WWP2: variants seen among roughly 807,000 people sequenced by gnomAD.
The protein encoded by WWP2 is WW domain containing E3 ubiquitin protein ligase 2, also known as NEDD4-like E3 ubiquitin-protein ligase WWP2.
In WWP2, 57 loss-of-function variants were observed where a neutral mutation model predicts 121.0. That is an observed-to-expected ratio of 0.47 (90% CI 0.38 to 0.59). The LOEUF (loss-of-function observed/expected upper bound fraction) is 0.59, where lower values mean the gene tolerates loss of function less well. Among genes scored for constraint, WWP2 ranks in the 20% least tolerant of loss-of-function variants. The pLI is 0.00. For synonymous variants in WWP2, 449 were observed against 441.3 expected, an observed-to-expected ratio of 1.02 and a Z score of -0.22; for missense variants, 962 against 1,158.9, an observed-to-expected ratio of 0.83 and a Z score of 2.47.
At chr16:69,902,566 A>G (rs143069370) in intron 8 of WWP2, among the ~76,000 whole-genome samples, 157 of 152,306 alleles carry the variant, frequency 1.0e-3, no homozygotes, top group African/African-American at 3.5e-3. Context: ...GAGAGCATCA[A>G]CGGAAGCTAT....
At chr16:69,901,882 T>C (rs1320259717) in intron 8 of WWP2, among the ~76,000 whole-genome samples, 5 of 152,126 alleles carry the variant, frequency 3.3e-5, no homozygotes, top group African/African-American at 4.8e-5. Context: ...ACTCGGGAGA[T>C]GGAGGTTACA....
At chr16:69,844,194 T>G (rs543562136) in intron 6 of WWP2, among the ~76,000 whole-genome samples, 45 of 152,288 alleles carry the variant, frequency 3.0e-4, no homozygotes, top group South Asian at 6.2e-4. Context: ...TCTCGGTAGG[T>G]GACTTACAAT....
At chr16:69,867,410 T>C (rs2057546932) in intron 6 of WWP2, among the ~76,000 whole-genome samples, 1 of 152,194 alleles carries the variant, frequency 6.6e-6, no homozygotes. Context: ...ATCTCTAGAA[T>C]GGGGCCTAAC....
At chr16:69,806,723 A>G (rs1478474240) in intron 4 of WWP2, among the ~76,000 whole-genome samples, 2 of 152,144 alleles carry the variant, frequency 1.3e-5, no homozygotes, top group Non-Finnish European at 2.9e-5. Flanking sequence ...CTCAGTTTAA[A>G]AACGTCTGTA....
intron 8 of WWP2, among the ~76,000 whole-genome samples, chr16:69,896,189 A>T (rs1002212766): frequency 6.6e-6 from 1 of 152,118 alleles, no homozygotes. Flanking sequence ...TGGCGTGATC[A>T]TAGCTCACTG....
In WWP2 at chr16:69,925,239, T is replaced by C; in HGVS notation, c.1180-191T>C. On this transcript the variant is annotated intron_variant, in intron 10 of 23. Transcript: ENST00000359154. This position sits in a 1 kb window ranked among gnomAD's most constrained non-coding sequence, Gnocchi z 4.0. ...GTGCGCAGGGTTCTTTTTTGGTTTT[T>C]CTGTAAAAATCAAAACAAAAAACAG... The C allele has an allele frequency of 6.9e-7, 1 of 1,440,718 alleles. No homozygotes were observed. Among genetic ancestry groups the C allele is most frequent in the Non-Finnish European group, 9.1e-7 (1 of 1,098,180 alleles). 89.2% of individuals were successfully genotyped at this position (1,440,718 alleles called of 1,614,324 possible).
chr16:69,807,113 C>T (rs2056294885), intron 4 of WWP2, among the ~76,000 whole-genome samples: 2 of 152,034 alleles, frequency 1.3e-5, no homozygotes, highest in East Asian at 3.9e-4. Context: ...ACTGCAACCT[C>T]TGCCTCCTGG....
At chr16:69,805,991 G>A (rs1213329624) in intron 4 of WWP2, among the ~76,000 whole-genome samples, 1 of 151,926 alleles carries the variant, frequency 6.6e-6, no homozygotes, top group Non-Finnish European at 1.5e-5. Context: ...GAGGCCAGTA[G>A]TTTGAGACCA....
intron 2 of WWP2, among the ~76,000 whole-genome samples, chr16:69,794,674 C>T (rs1174011225): frequency 6.6e-6 from 1 of 152,186 alleles, no homozygotes; most frequent in Non-Finnish European, 1.5e-5. Flanking sequence ...AAGGCAGTTT[C>T]ACAATTAGAA....
chr16:69,911,273 C>G (rs998586836), intron 9 of WWP2, among the ~76,000 whole-genome samples: 1 of 152,146 alleles, frequency 6.6e-6, no homozygotes, highest in African/African-American at 2.4e-5. Flanking sequence ...CCTAGTAGCT[C>G]AGGGTGAATG....
rs111941799 is a variant in WWP2 at position 69,825,998 on chromosome 16, G to A, written c.341-14128G>A. ...AAAAGTAGAAGCAGCCAGGCGCGGT[G>A]GCTCATGCCTGTAATCCCAGCACTT... On this transcript the variant is annotated intron_variant, in intron 4 of 23. Coordinates refer to ENST00000359154, the MANE Select transcript of WWP2 (RefSeq NM_001270454.2). 6.2e-3 allele frequency among the ~76,000 whole-genome samples: 938 copies of A among 152,278 alleles called. 9 individuals carry two copies. The highest frequency in any genetic ancestry group is 0.022 in the African/African-American group (898 of 41,558).
At chr16:69,889,481 G>A (rs188366213) in intron 8 of WWP2, among the ~76,000 whole-genome samples, 65 of 152,322 alleles carry the variant, frequency 4.3e-4, no homozygotes, top group Admixed American at 1.8e-3. Context: ...CCCCCACCAT[G>A]TGACCTTGGC....
At chr16:69,921,252 C>T (rs1355849794) in intron 10 of WWP2, among the ~76,000 whole-genome samples, 1 of 152,130 alleles carries the variant, frequency 6.6e-6, no homozygotes, top group African/African-American at 2.4e-5. Flanking sequence ...GCTATGGTGC[C>T]ATGTCCTGGT....
chr16:69,858,742 G>C (rs900983921), intron 6 of WWP2, among the ~76,000 whole-genome samples: 6 of 152,152 alleles, frequency 3.9e-5, no homozygotes, highest in Non-Finnish European at 7.4e-5. Flanking sequence ...GGGAAAAGAA[G>C]GTGTAAAGTC....
intron 10 of WWP2, among the ~76,000 whole-genome samples, chr16:69,924,509 C>T (rs949874588): frequency 6.6e-6 from 1 of 152,168 alleles, no homozygotes. Flanking sequence ...ACAACACCCC[C>T]CTTCCCCGCA....
At position 69,881,868 on chromosome 16, in the gene WWP2, T is replaced by C. The variant is rs575359291; in HGVS notation, c.704-6171T>C. 7.2e-5 allele frequency among the ~76,000 whole-genome samples: 11 copies of C among 152,300 alleles called. No homozygotes were observed. The East Asian group carries it at 9.6e-4, about 13-fold the overall frequency. On this transcript the variant is annotated intron_variant, in intron 7 of 23. Transcript: ENST00000359154. ...CACCACACCCAGCTATTTTTTTCTA[T>C]TTTTAGTAGAGACAGAGTTTTGCCA... is the stretch of plus-strand genomic sequence containing the variant.
Position 69,915,138 on chromosome 16 carries a change from A to G in WWP2, c.1005-2571A>G, listed in dbSNP as rs535190264. Among the ~76,000 whole-genome samples the G allele has an allele frequency of 6.0e-4, 92 of 152,344 alleles. 1 individual carries two copies. Among genetic ancestry groups the G allele is most frequent in the African/African-American group, 2.2e-3 (92 of 41,586 alleles). On this transcript the variant is annotated intron_variant, in intron 9 of 23. Transcript: ENST00000359154. ...ACTGCCAGGCCACCTGTCCCGTCTG[A>G]GAATCTGGGGATGCATCAGTGATAG...
At chr16:69,804,704 C>T (rs2056239747) in intron 4 of WWP2, among the ~76,000 whole-genome samples, 2 of 152,222 alleles carry the variant, frequency 1.3e-5, no homozygotes, top group East Asian at 1.9e-4. Flanking sequence ...ATTCTCTCCT[C>T]TTCCTACTCC....
intron 7 of WWP2, among the ~76,000 whole-genome samples, chr16:69,873,856 G>GATTTTCTTT (rs1022532317): frequency 1.4e-4 from 22 of 152,300 alleles, no homozygotes; most frequent in African/African-American, 5.1e-4. Flanking sequence ...TTGGTGAATT[G>GATTTTCTTT]ATTTTCTTTG....
Sources: gnomAD v4.1 joint callset for allele counts (sites outside exome capture counted in the v4.1 genomes callset) on GRCh38, gnomAD v4.1.1 for gene constraint, Gnocchi (gnomAD v3.1) non-coding constraint, MANE v1.5 for transcripts, NCBI Gene and HGNC (gene_info 2026-07-23, HGNC 2026-07-21) for gene names.